The following MGAT4C variants were observed in gnomAD, a reference collection of about 807,000 sequenced individuals.
MGAT4C encodes alpha-1,3-mannosyl-glycoprotein 4-beta-N-acetylglucosaminyltransferase C.
A neutral mutation model predicts 40.1 loss-of-function variants in MGAT4C; 19 were observed. The observed-to-expected ratio is 0.47, with a 90% CI of 0.33 to 0.70. MGAT4C has a LOEUF of 0.70. Ranked by LOEUF, MGAT4C falls within the 30% of genes least tolerant of loss-of-function variation. The pLI is 0.02. For missense variants in MGAT4C, 491 were observed against 563.2 expected, an observed-to-expected ratio of 0.87 and a Z score of 1.30; for synonymous variants, 181 against 187.1, an observed-to-expected ratio of 0.97 and a Z score of 0.27.
At chr12:86,292,974 A>C (rs1953563386) in intron 4 of MGAT4C, among the ~76,000 whole-genome samples, 1 of 152,182 alleles carries the variant, frequency 6.6e-6, no homozygotes, top group Admixed American at 6.5e-5. Flanking sequence ...CATAATTGAA[A>C]AAATGAGAAA....
intron 2 of MGAT4C, among the ~76,000 whole-genome samples, chr12:86,519,249 G>C (rs1190253718): frequency 1.3e-5 from 2 of 152,086 alleles, no homozygotes; most frequent in Non-Finnish European, 2.9e-5. Flanking sequence ...CTTTTCTAAT[G>C]ATTGAATAAC....
Position 85,979,353 on chromosome 12 carries a change from A to G in MGAT4C, c.1373T>C (p.Ile458Thr). 1 of 1,612,526 alleles carries G rather than the reference A, an allele frequency of 6.2e-7. No homozygotes were observed. The highest frequency in any genetic ancestry group is 1.1e-5 in the South Asian group (1 of 90,974). The change falls in exon 5 of 5, where the codon ATA becomes ACA. Residue 458 changes from isoleucine to threonine, a missense_variant. Ile to Thr is a moderately conservative substitution (Grantham distance 89, BLOSUM62 -1). Transcript: ENST00000611864. ...TTCCTTTTGTGTTTTGGTGACATAT[A>G]TCCTCATACAATGTATATCAAATGG... ...KIPFDIHCMR[I>T]YVTKTQKEWL...
Position 86,836,604 on chromosome 12 carries a change from C to T in MGAT4C, c.-262+2062G>A, listed in dbSNP as rs538381216. Among the ~76,000 whole-genome samples the T allele has an allele frequency of 3.2e-4, 48 of 152,038 alleles. No individual in the cohort carries two copies. The East Asian group carries it at 9.1e-3, about 29-fold the overall frequency. ...TCAATGGCTGGGTAGGTGAATGAAT[C>T]CTATGGGGAGGCAAGAGACACTAAC... On this transcript the variant is annotated intron_variant, in intron 1 of 7. Coordinates refer to the MGAT4C transcript ENST00000548651.
chr12:86,022,002 T>A (rs1193181581), intron 2 of MGAT4C, among the ~76,000 whole-genome samples: 5 of 152,234 alleles, frequency 3.3e-5, no homozygotes, highest in Non-Finnish European at 5.9e-5. Context: ...AGATTACGAA[T>A]CATTTTCCTG....
chr12:86,293,531 A>C (rs2136130682), intron 4 of MGAT4C, among the ~76,000 whole-genome samples: 1 of 152,310 alleles, frequency 6.6e-6, no homozygotes, highest in African/African-American at 2.4e-5. Flanking sequence ...AAGAAATCTG[A>C]ATTCTGAGCC....
intron 2 of MGAT4C, among the ~76,000 whole-genome samples, chr12:86,702,789 C>T (rs1014055062): frequency 2.6e-5 from 4 of 152,122 alleles, no homozygotes; most frequent in Non-Finnish European, 5.9e-5. Flanking sequence ...CTGACACATT[C>T]GCTCTGCAGC....
chr12:86,367,095 C>A (rs927646014), intron 3 of MGAT4C, among the ~76,000 whole-genome samples: 1 of 151,894 alleles, frequency 6.6e-6, no homozygotes, highest in Non-Finnish European at 1.5e-5. Context: ...AGAGCAGGAG[C>A]ACTGTCATCT....
chr12:86,390,880 T>C lies in MGAT4C; in HGVS notation c.-120+44277A>G, dbSNP rs534036812. 3.0e-3 allele frequency among the ~76,000 whole-genome samples: 458 copies of C among 152,190 alleles called. 2 individuals are homozygous for C. The highest frequency in any genetic ancestry group is 5.0e-3 in the Non-Finnish European group (343 of 67,992). ...ATATTAGGCCACAAAATAGAGAAAT[T>C]TACAAGGTGGACCAAGAGTTGACCT... On this transcript the variant is annotated intron_variant, in intron 3 of 7. Transcript: ENST00000548651.
chr12:86,699,116 C>T lies in MGAT4C; in HGVS notation c.-229+28093G>A, dbSNP rs144286437. Among the ~76,000 whole-genome samples, 132 of 152,146 alleles carry T rather than the reference C, an allele frequency of 8.7e-4. 2 individuals carry two copies. The highest frequency in any genetic ancestry group is 3.1e-3 in the African/African-American group (127 of 41,518). On this transcript the variant is annotated intron_variant, in intron 2 of 7. Transcript: ENST00000548651. ...TAGGAATTCTATGTCTTCTTATTAC[C>T]ATACAGAAGGACATTTTAATTCAAA...
chr12:86,055,006 T>C (rs576203045), intron 1 of MGAT4C, among the ~76,000 whole-genome samples: 2 of 152,166 alleles, frequency 1.3e-5, no homozygotes, highest in South Asian at 2.1e-4. Context: ...ACTGTGATTA[T>C]TTAACATCTT....
chr12:86,805,445 T>C lies in MGAT4C; in HGVS notation c.-262+33221A>G, dbSNP rs544795634. ...ATGAGTACCCAGTGTTTAGCTCCCA[T>C]TTATGAGTGAAACATGTGGTATTTG... is the stretch of plus-strand genomic sequence containing the variant. On this transcript the variant is annotated intron_variant, in intron 1 of 7. Transcript: ENST00000548651. Among the ~76,000 whole-genome samples the C allele has an allele frequency of 2.6e-5, 4 of 152,060 alleles. No individual in the cohort carries two copies. The South Asian group carries it at 8.3e-4, about 32-fold the overall frequency.
At chr12:86,192,018 C>T (rs569074987) in intron 1 of MGAT4C, among the ~76,000 whole-genome samples, 2 of 142,860 alleles carry the variant, frequency 1.4e-5, no homozygotes, top group African/African-American at 5.2e-5. Context: ...ACCGCATGTT[C>T]TCACTCATAG....
At chr12:86,111,994 A>G (rs1877504456) in intron 1 of MGAT4C, among the ~76,000 whole-genome samples, 1 of 151,886 alleles carries the variant, frequency 6.6e-6, no homozygotes, top group African/African-American at 2.4e-5. Context: ...ATATGTATGT[A>G]CATGTGTATA....
chr12:86,762,831 A>T (rs1951431502), intron 1 of MGAT4C, among the ~76,000 whole-genome samples: 1 of 152,182 alleles, frequency 6.6e-6, no homozygotes, highest in African/African-American at 2.4e-5. Flanking sequence ...CAGACAAATA[A>T]AAGAGCCATA....
In MGAT4C at chr12:85,972,184, T is replaced by C. The variant is rs1399276201; in HGVS notation, c.*7105A>G. Reference sequence around the variant, plus strand: ...TTTGATATGACTGATTACCAAATTATGGTGGGTAAAGATGCCACATGCAAC... The same window carrying C: ...TTTGATATGACTGATTACCAAATTACGGTGGGTAAAGATGCCACATGCAAC... On this transcript the variant is annotated 3_prime_UTR_variant, in exon 5 of 5. Coordinates refer to ENST00000611864, the MANE Select transcript of MGAT4C (RefSeq NM_001351288.2). 1 of 151,166 alleles carries C rather than the reference T, an allele frequency of 6.6e-6. No homozygotes were observed. Among genetic ancestry groups the C allele is most frequent in the Non-Finnish European group, 1.5e-5 (1 of 67,292 alleles). The allele number at this position is 151,166 out of a possible 1,614,324, so 9.4% of individuals were successfully genotyped here.
intron 2 of MGAT4C, among the ~76,000 whole-genome samples, chr12:86,628,108 T>A (rs193074020): frequency 6.6e-6 from 1 of 152,166 alleles, no homozygotes; most frequent in Non-Finnish European, 1.5e-5. Context: ...TGCACAAGCT[T>A]CAGTAGCTGA....
chr12:86,602,356 G>T (rs553156772), intron 2 of MGAT4C, among the ~76,000 whole-genome samples: 1 of 152,296 alleles, frequency 6.6e-6, no homozygotes. Context: ...TCTTGTTAAA[G>T]AATGAAAATC....
intron 1 of MGAT4C, among the ~76,000 whole-genome samples, chr12:86,729,648 A>G (rs1950877729): frequency 1.3e-5 from 2 of 151,356 alleles, no homozygotes. Flanking sequence ...TATTAAATAT[A>G]AAAACAAAAA....
At chr12:86,579,754 G>C (rs939916296) in intron 2 of MGAT4C, among the ~76,000 whole-genome samples, 2 of 151,438 alleles carry the variant, frequency 1.3e-5, no homozygotes, top group African/African-American at 4.8e-5. Context: ...ATGAAATCTA[G>C]CAGGTTTGTT....
Sources: gnomAD v4.1 joint callset for allele counts (sites outside exome capture counted in the v4.1 genomes callset) on GRCh38, gnomAD v4.1.1 for gene constraint, MANE v1.5 for transcripts, NCBI Gene and HGNC (gene_info 2026-07-23, HGNC 2026-07-21) for gene names.